Variants in GLS observed in about 807,000 individuals in gnomAD.
GLS encodes the protein glutaminase kidney isoform, mitochondrial.
A neutral mutation model predicts 86.7 loss-of-function variants in GLS; 36 were observed. The ratio of observed to expected loss-of-function variants is 0.42; its 90% CI spans 0.32 to 0.55. The LOEUF is 0.55. Among genes scored for constraint, GLS ranks in the 20% least tolerant of loss-of-function variants. The pLI is 0.17. For missense variants in GLS, 528 were observed against 833.4 expected (o/e 0.63, Z 4.51); for synonymous variants, 317 against 305.9 (o/e 1.04, Z -0.38).
chr2:190,881,435 C>G lies in GLS; in HGVS notation c.351C>G (p.Asn117Lys), dbSNP rs1218711292. ...CCGGGGAGACGGACGCGTTTGGCAA[C>G]AGCGAGGGCAAAGAGCTGGTGGCCT... ...DGPGETDAFG[N>K]SEGKELVASG... Residue 117 changes from asparagine (N) to lysine (K), a missense_variant, in exon 1 of 18, where the codon AAC (asparagine) becomes AAG (lysine). Transcript: ENST00000320717. The G allele has an allele frequency of 2.6e-6, 4 of 1,545,636 alleles. No homozygotes were observed. The highest frequency in any genetic ancestry group is 3.5e-6 in the Non-Finnish European group (4 of 1,145,232).
intron 11 of GLS, among the ~76,000 whole-genome samples, chr2:190,926,652 A>C (rs1363309742): frequency 6.6e-6 from 1 of 152,128 alleles, no homozygotes. Flanking sequence ...TAAATGCAAA[A>C]ATTTTATCCT....
chr2:190,931,974 A>G (rs911969267), intron 14 of GLS, among the ~76,000 whole-genome samples: 1 of 152,064 alleles, frequency 6.6e-6, no homozygotes, highest in African/African-American at 2.4e-5. Context: ...AGAACAAAAC[A>G]AAACATTGGA....
At position 190,921,089 on chromosome 2, in the gene GLS, A is replaced by T. The variant is rs73979303; in HGVS notation, c.1071+33A>T. Reference sequence around the variant, plus strand: ...CAACATGTCATTCAGTTTTCATGCCACATTCTCTATATATTTGTTTTTTGA... The same window carrying T: ...CAACATGTCATTCAGTTTTCATGCCTCATTCTCTATATATTTGTTTTTTGA... On this transcript the variant is annotated intron_variant, in intron 8 of 17. Coordinates refer to ENST00000320717, the MANE Select transcript of GLS (RefSeq NM_014905.5). The surrounding 1 kb of genome is among the most constrained non-coding windows in gnomAD (Gnocchi z 4.2). 4.3e-4 allele frequency: 686 copies of T among 1,581,448 alleles called. 3 individuals are homozygous for T. In the African/African-American group the frequency reaches 8.1e-3, roughly 19 times the overall value.
At chr2:190,911,092 ATTTAAATAAATTTTATTTATG>A (rs1689344386) in intron 7 of GLS, among the ~76,000 whole-genome samples, 1 of 151,024 alleles carries the variant, frequency 6.6e-6, no homozygotes, top group East Asian at 1.9e-4. Flanking sequence ...TTTTATTTAT[ATTTAAATAAATTTTATTTATG>A]TTTGGAACAT....
Position 190,938,056 on chromosome 2 carries a change from A to C in GLS, c.1650+6419A>C, listed in dbSNP as rs1278992484. 6.6e-6 allele frequency among the ~76,000 whole-genome samples: 1 copy of C among 151,254 alleles called. No individual in the cohort carries two copies. Among genetic ancestry groups the C allele is most frequent in the Non-Finnish European group, 1.5e-5 (1 of 67,388 alleles). ...CTAAATCTCATTTACTAATTATGGA[A>C]TTTTTTTAAAGAAAAATTATATACC... On this transcript the variant is annotated intron_variant, in intron 14 of 17. Coordinates refer to ENST00000320717, the MANE Select transcript of GLS (RefSeq NM_014905.5). The surrounding 1 kb of genome is among the most constrained non-coding windows in gnomAD (Gnocchi z 4.1).
At position 190,934,740 on chromosome 2, in the gene GLS, CACTT is replaced by C. The variant is rs552091356; in HGVS notation, c.1650+3107_1650+3110del. ...TCAAAATTAGGTTGTTAATTTGTGT[CACTT>C]ACTATTTTTGTGTTGGTAATGCTTT... On this transcript the variant is annotated intron_variant, in intron 14 of 17. Coordinates refer to ENST00000320717, the MANE Select transcript of GLS (RefSeq NM_014905.5). 3.0e-4 allele frequency: 291 copies of C among 972,334 alleles called. 2 individuals are homozygous for C. In the African/African-American group the frequency reaches 4.1e-3, roughly 14 times the overall value. 60.2% of individuals were successfully genotyped at this position (972,334 alleles called of 1,614,324 possible). A position where few individuals can be genotyped will look rare whatever the true frequency, so the allele number is the denominator to read the frequency against.
chr2:190,961,726 TAA>T (rs1164648725), intron 17 of GLS, among the ~76,000 whole-genome samples: 8 of 145,746 alleles, frequency 5.5e-5, no homozygotes, highest in Non-Finnish European at 1.2e-4. Flanking sequence ...AAGATACATG[TAA>T]AGTTTTACTT....
intron 9 of GLS, 48 bp from the exon 10 acceptor site, chr2:190,923,869 A>C (rs766371637): frequency 1.8e-6 from 2 of 1,112,188 alleles, no homozygotes; most frequent in Non-Finnish European, 2.7e-6. Context: ...GAACAATCAC[A>C]CTTTTAAAGA....
Position 190,881,080 on chromosome 2 carries a change from G to T in GLS, c.-5G>T. The T allele has an allele frequency of 6.4e-7, 1 of 1,554,768 alleles. No individual in the cohort carries two copies. Among genetic ancestry groups the T allele is most frequent in the East Asian group, 2.4e-5 (1 of 41,812 alleles). ...TGTTGAGCGGGCGCTGACGGACCCG[G>T]CGGCATGATGCGGCTGCGAGGCTCG... is the stretch of plus-strand genomic sequence containing the variant. On this transcript the variant is annotated 5_prime_UTR_variant, in exon 1 of 18. Transcript: ENST00000320717.
Position 190,881,293 on chromosome 2 carries a change from G to C in GLS, c.209G>C (p.Arg70Pro). 4 of 1,401,416 alleles carry C rather than the reference G, an allele frequency of 2.9e-6. No individual in the cohort carries two copies. The highest frequency in any genetic ancestry group is 3.7e-6 in the Non-Finnish European group (4 of 1,071,980). 86.8% of individuals were successfully genotyped at this position (1,401,416 alleles called of 1,614,324 possible). The change falls in exon 1 of 18, where the codon CGG becomes CCG. Residue 70 changes from arginine (R) to proline (P), a missense_variant. Physicochemically the swap from Arg to Pro is moderately radical, Grantham distance 103 (BLOSUM62 -2). Coordinates refer to ENST00000320717, the MANE Select transcript of GLS (RefSeq NM_014905.5). ...GGCTGGCCGGCGGAGCCCCTCGCGC[G>C]GGGCCTGTCCAGCTCTCCTTCGGAG... is the stretch of plus-strand genomic sequence containing the variant. ...GGGWPAEPLA[R>P]GLSSSPSEIL...
chr2:190,914,849 A>T lies in GLS; in HGVS notation c.1038+4528A>T, dbSNP rs1558978616. Among the ~76,000 whole-genome samples, 1 of 152,190 alleles carries T rather than the reference A, an allele frequency of 6.6e-6. No homozygotes were observed. Among genetic ancestry groups the T allele is most frequent in the Non-Finnish European group, 1.5e-5 (1 of 68,036 alleles). On this transcript the variant is annotated intron_variant, in intron 7 of 17. Transcript: ENST00000320717. This position sits in a 1 kb window ranked among gnomAD's most constrained non-coding sequence, Gnocchi z 4.4. ...GTTATAAAGTATAATACATGAATCA[A>T]TTCATAAATATGTTGTAAAAACTAT...
intron 14 of GLS, among the ~76,000 whole-genome samples, chr2:190,952,735 A>G (rs1690748446): frequency 6.6e-6 from 1 of 152,222 alleles, no homozygotes; most frequent in African/African-American, 2.4e-5. Flanking sequence ...TGCAAAGTGT[A>G]AGACAAAATG....
rs1437896974 is a variant in GLS, at chr2:190,956,222, C to G, written c.1853+1404C>G. Among the ~76,000 whole-genome samples the G allele has an allele frequency of 6.6e-6, 1 of 152,094 alleles. No homozygotes were observed. Among genetic ancestry groups the G allele is most frequent in the African/African-American group, 2.4e-5 (1 of 41,380 alleles). On this transcript the variant is annotated intron_variant, in intron 17 of 17. Transcript: ENST00000320717. This position sits in a 1 kb window ranked among gnomAD's most constrained non-coding sequence, Gnocchi z 4.2. ...ATGCCTATGTCCTGAATGGTATTGC[C>G]TAGGTTTTCTTCTAGGGTTTTTATG...
chr2:190,881,567 G>A lies in GLS; in HGVS notation c.386+97G>A, dbSNP rs985442715. On this transcript the variant is annotated intron_variant, in intron 1 of 17. Coordinates refer to ENST00000320717, the MANE Select transcript of GLS (RefSeq NM_014905.5). The stretch of plus-strand genomic sequence containing the variant: ...CGGTGGGGCGGGATAGGAGCCGAGG[G>A]TCTAGAAAAGAGAAAGAAAGAGGTG... The A allele has an allele frequency of 1.3e-5, 15 of 1,158,000 alleles. No homozygotes were observed. The African/African-American group carries it at 1.3e-4, about 10-fold the overall frequency. The allele number at this position is 1,158,000 out of a possible 1,614,324, so 71.7% of individuals were successfully genotyped here.
At chr2:190,899,206 G>A (rs1688856964) in intron 3 of GLS, among the ~76,000 whole-genome samples, 1 of 152,010 alleles carries the variant, frequency 6.6e-6, no homozygotes, top group Non-Finnish European at 1.5e-5. Context: ...TAAAATAATG[G>A]TAATACTTTT....
At chr2:190,932,727 A>G (rs1208289923) in intron 14 of GLS, 1 of 1,596,568 alleles carries the variant, frequency 6.3e-7, no homozygotes, top group African/African-American at 1.3e-5. Context: ...ATTCCTTTGG[A>G]CCATTGGACT....
In GLS at chr2:190,949,882, T is replaced by C. The variant is rs12185688; in HGVS notation, c.1651-3683T>C. ...GAAAGACAAGTGGTCTCTGCCCACA[T>C]GGAGCCTATATTTAATGAGAGAGAC... On this transcript the variant is annotated intron_variant, in intron 14 of 17. Coordinates refer to ENST00000320717, the MANE Select transcript of GLS (RefSeq NM_014905.5). This position sits in a 1 kb window ranked among gnomAD's most constrained non-coding sequence, Gnocchi z 4.0. 0.087 allele frequency among the ~76,000 whole-genome samples: 13,130 copies of C among 151,546 alleles called. 747 individuals are homozygous for C. The highest frequency in any genetic ancestry group is 0.13 in the Non-Finnish European group (8,655 of 67,890).
At chr2:190,931,304 TAGA>T (rs1012640581) in intron 13 of GLS, among the ~76,000 whole-genome samples, 2 of 152,282 alleles carry the variant, frequency 1.3e-5, no homozygotes, top group African/African-American at 2.4e-5. Context: ...CCCTATTTTG[TAGA>T]AGATGAAAGA....
Position 190,881,129 on chromosome 2 carries a change from G to A in GLS, c.45G>A (p.Leu15=). Residue 15 remains leucine, a synonymous_variant, in exon 1 of 18, where the codon CTG becomes CTA. Transcript: ENST00000320717. The part of the protein sequence containing the change: ...RGSGMLRDLL[L]RSPAGVSATL... ...CGGGGATGCTGCGGGACCTGCTCCT[G>A]CGGTCGCCCGCCGGCGTGAGCGCGA... is the stretch of plus-strand genomic sequence containing the variant. 1 of 1,558,416 alleles carries A rather than the reference G, an allele frequency of 6.4e-7. No homozygotes were observed. Among genetic ancestry groups the A allele is most frequent in the Non-Finnish European group, 8.6e-7 (1 of 1,160,864 alleles).
Sources: gnomAD v4.1 joint callset for allele counts (sites outside exome capture counted in the v4.1 genomes callset) on GRCh38, gnomAD v4.1.1 for gene constraint, Gnocchi (gnomAD v3.1) non-coding constraint, MANE v1.5 for transcripts, NCBI Gene and HGNC (gene_info 2026-07-23, HGNC 2026-07-21) for gene names.